The following ATG7 variants were observed in gnomAD, a reference collection of about 807,000 sequenced individuals.
The protein encoded by ATG7 is ubiquitin-like modifier-activating enzyme ATG7.
A neutral mutation model predicts 82.4 loss-of-function variants in ATG7; 70 were observed. The observed-to-expected ratio is 0.85, with a 90% confidence interval of 0.70 to 1.04. The LOEUF is 1.04. Among genes scored for constraint, ATG7 ranks in the 50% least tolerant of loss-of-function variants. The pLI, the probability that ATG7 is intolerant of heterozygous loss-of-function variation, is 0.00. For missense variants in ATG7, 792 were observed against 864.3 expected (o/e 0.92, Z 1.05); for synonymous variants, 287 against 313.0 (o/e 0.92, Z 0.88).
chr3:11,322,263 T>C (rs1440922922), intron 9 of ATG7, among the ~76,000 whole-genome samples: 1 of 152,238 alleles, frequency 6.6e-6, no homozygotes, highest in African/African-American at 2.4e-5. Flanking sequence ...CTTTCCTTTT[T>C]CTGTTTTATC....
intron 19 of ATG7, among the ~76,000 whole-genome samples, chr3:11,391,341 C>A (rs1238671872): frequency 6.6e-6 from 1 of 152,036 alleles, no homozygotes; most frequent in Non-Finnish European, 1.5e-5. Flanking sequence ...TTTAATGTTC[C>A]CCGGAGCATG....
chr3:11,370,818 A>G (rs2076946290), intron 18 of ATG7, among the ~76,000 whole-genome samples: 1 of 151,088 alleles, frequency 6.6e-6, no homozygotes, highest in African/African-American at 2.4e-5. Context: ...GATAGGTGTT[A>G]AGCCCTCTAG....
intron 18 of ATG7, among the ~76,000 whole-genome samples, chr3:11,378,217 ATGT>A (rs960513503): frequency 1.4e-5 from 2 of 147,876 alleles, no homozygotes; most frequent in African/African-American, 5.0e-5. Context: ...GGGTTTTGCC[ATGT>A]TGTCCAGGCT....
intron 20 of ATG7, among the ~76,000 whole-genome samples, chr3:11,511,145 G>T (rs2092030678): frequency 6.6e-6 from 1 of 152,208 alleles, no homozygotes; most frequent in Non-Finnish European, 1.5e-5. Flanking sequence ...AAGAGCAAAA[G>T]AACAAAGCTT....
chr3:11,428,672 C>T (rs1385630778), intron 20 of ATG7, among the ~76,000 whole-genome samples: 1 of 152,100 alleles, frequency 6.6e-6, no homozygotes, highest in Admixed American at 6.6e-5. Context: ...TATTGTCTGC[C>T]GTATTATCTT....
At chr3:11,432,736 A>G (rs1200048327) in intron 20 of ATG7, among the ~76,000 whole-genome samples, 2 of 152,194 alleles carry the variant, frequency 1.3e-5, no homozygotes, top group East Asian at 1.9e-4. Flanking sequence ...AGGAGGTTCA[A>G]TGGAAGAAAG....
At chr3:11,531,082 C>T (rs1347612417) in intron 20 of ATG7, among the ~76,000 whole-genome samples, 1 of 152,214 alleles carries the variant, frequency 6.6e-6, no homozygotes, top group African/African-American at 2.4e-5. Context: ...GAGCGGGCTT[C>T]TTGCCTCTCT....
intron 19 of ATG7, among the ~76,000 whole-genome samples, chr3:11,411,977 C>T (rs1576212462): frequency 1.4e-5 from 2 of 147,712 alleles, no homozygotes; most frequent in African/African-American, 2.5e-5. Context: ...AAAGACTGTC[C>T]TTTTTTTTTT....
At chr3:11,548,519 A>AC (rs1442401786) in intron 20 of ATG7, among the ~76,000 whole-genome samples, 7 of 152,104 alleles carry the variant, frequency 4.6e-5, no homozygotes, top group African/African-American at 1.7e-4. Flanking sequence ...CTTCATCCCC[A>AC]CCTGCCCTCT....
At chr3:11,545,793 G>A (rs1477644178) in intron 20 of ATG7, among the ~76,000 whole-genome samples, 1 of 152,178 alleles carries the variant, frequency 6.6e-6, no homozygotes, top group Non-Finnish European at 1.5e-5. Context: ...AGTCCCTGTA[G>A]CCACCCCCTG....
intron 20 of ATG7, among the ~76,000 whole-genome samples, chr3:11,528,562 C>T (rs1298252067): frequency 6.6e-6 from 1 of 152,174 alleles, no homozygotes; most frequent in Non-Finnish European, 1.5e-5. Context: ...CGCAGTGACT[C>T]ATTCCTGTAA....
At chr3:11,464,098 A>G (rs1382609819) in intron 20 of ATG7, among the ~76,000 whole-genome samples, 1 of 152,136 alleles carries the variant, frequency 6.6e-6, no homozygotes, top group Admixed American at 6.5e-5. Flanking sequence ...TTGGCCAGGC[A>G]TAGTGGCTCA....
chr3:11,385,196 A>C (rs961417572), intron 19 of ATG7, among the ~76,000 whole-genome samples: 2 of 151,926 alleles, frequency 1.3e-5, no homozygotes, highest in African/African-American at 2.4e-5. Flanking sequence ...CACCCAGCTA[A>C]TTTTTGTATT....
At chr3:11,415,519 T>G (rs2081297320) in intron 19 of ATG7, among the ~76,000 whole-genome samples, 1 of 152,234 alleles carries the variant, frequency 6.6e-6, no homozygotes, top group African/African-American at 2.4e-5. Flanking sequence ...ACATTTTTTC[T>G]TTATACCCTT....
chr3:11,362,278 A>G (rs2076333296), intron 16 of ATG7, among the ~76,000 whole-genome samples: 1 of 152,124 alleles, frequency 6.6e-6, no homozygotes, highest in African/African-American at 2.4e-5. Flanking sequence ...AAAAAAAAAT[A>G]CTTGTAGTAA....
At chr3:11,574,834 T>TGTGC in the ATG7 span, among the ~76,000 whole-genome samples, 1 of 147,326 alleles carries the variant, frequency 6.8e-6, no homozygotes, top group Non-Finnish European at 1.5e-5. Context: ...TGTGTGTGTG[T>TGTGC]GTGTATTTTA....
intron 20 of ATG7, among the ~76,000 whole-genome samples, chr3:11,505,751 T>C (rs2091665650): frequency 6.6e-6 from 1 of 152,212 alleles, no homozygotes; most frequent in African/African-American, 2.4e-5. Flanking sequence ...CAGATGTTTG[T>C]GTGTCCTGGA....
At chr3:11,311,873 A>G (rs1178183110) in intron 7 of ATG7, among the ~76,000 whole-genome samples, 1 of 151,702 alleles carries the variant, frequency 6.6e-6, no homozygotes, top group Non-Finnish European at 1.5e-5. Flanking sequence ...GATTACAATT[A>G]TTAGACTTTC....
intron 19 of ATG7, among the ~76,000 whole-genome samples, chr3:11,405,941 T>A (rs182637234): frequency 6.6e-6 from 1 of 152,106 alleles, no homozygotes; most frequent in Admixed American, 6.5e-5. Context: ...GTGTAGCATT[T>A]CTCTTTCCTT....
Sources: allele counts gnomAD v4.1 joint callset (sites outside exome capture counted in the v4.1 genomes callset), GRCh38; gene constraint gnomAD v4.1.1; transcripts MANE v1.5; gene names NCBI Gene and HGNC (gene_info 2026-07-23, HGNC 2026-07-21).